Variants in AFF2 observed in about 807,000 individuals in gnomAD.
The protein encoded by AFF2 is ALF transcription elongation factor 2, also known as AF4/FMR2 family member 2.
AFF2 carries 14 observed loss-of-function variants against 76.9 expected under a neutral mutation model. The ratio of observed to expected loss-of-function variants is 0.18; its 90% CI spans 0.12 to 0.28. The LOEUF (loss-of-function observed/expected upper bound fraction) is 0.28. AFF2 is among the 10% of genes least tolerant of loss of function. The probability of loss-of-function intolerance (pLI) is 1.00; values close to 1 mark genes in which losing one functional copy is unlikely to be tolerated. For missense variants in AFF2, 868 were observed against 1,001.1 expected (o/e 0.87, Z 1.79); for synonymous variants, 398 against 366.7 (o/e 1.09, Z -0.98).
intron 3 of AFF2, among the ~76,000 whole-genome samples, chrX:148,678,476 T>C (rs2054509436): frequency 1.8e-5 from 2 of 112,041 alleles, no homozygotes; most frequent in Admixed American, 1.9e-4. Flanking sequence ...AAATTACAGA[T>C]TCTTGATTCT....
chrX:148,522,491 G>A (rs921687968), intron 1 of AFF2, among the ~76,000 whole-genome samples: 5 of 112,488 alleles, frequency 4.4e-5, no homozygotes, highest in Admixed American at 2.8e-4. Flanking sequence ...AAGGCTTTGC[G>A]GGAAAACTTC....
intron 11 of AFF2, 35 bp from the exon 12 acceptor site, chrX:148,958,302 A>G (rs1557287586): frequency 5.8e-6 from 7 of 1,208,136 alleles, no homozygotes; most frequent in Non-Finnish European, 7.8e-6. Context: ...GGTGCCATGC[A>G]TTTCAAGCTC....
In AFF2 at chrX:148,987,474, C is replaced by T; in HGVS notation, c.3731C>T (p.Ala1244Val). ...TIPQRIHHMA[A>V]SHVNITSNVL... Reference sequence around the variant, plus strand: ...CCCCAGCGCATTCACCACATGGCTGCCAGCCACGTCAACATCACTAGCAAT... The same window carrying T: ...CCCCAGCGCATTCACCACATGGCTGTCAGCCACGTCAACATCACTAGCAAT... Residue 1244 changes from alanine (A) to valine (V), a missense_variant, in exon 20 of 21, where the codon GCC becomes GTC. Transcript: ENST00000370460. 2 of 1,209,832 alleles carry T rather than the reference C, an allele frequency of 1.7e-6. No individual in the cohort carries two copies. Among genetic ancestry groups the T allele is most frequent in the Non-Finnish European group, 2.2e-6 (2 of 893,667 alleles).
intron 4 of AFF2, among the ~76,000 whole-genome samples, chrX:148,833,340 C>T (rs782801784): frequency 7.2e-5 from 8 of 111,596 alleles, no homozygotes; most frequent in African/African-American, 9.8e-5. Flanking sequence ...TGGCTACACA[C>T]GCCTGTAATC....
At chrX:148,691,862 T>TC (rs2054654579) in intron 3 of AFF2, among the ~76,000 whole-genome samples, 1 of 111,814 alleles carries the variant, frequency 8.9e-6, no homozygotes, top group Admixed American at 9.5e-5. Context: ...GACCTTAAAA[T>TC]CCATCTCAAC....
intron 1 of AFF2, among the ~76,000 whole-genome samples, chrX:148,571,925 T>C (rs2053233615): frequency 9.0e-6 from 1 of 111,186 alleles, no homozygotes; most frequent in African/African-American, 3.3e-5. Context: ...TTAGCAACTA[T>C]TTTGATTAAA....
chrX:148,638,269 C>T (rs2054051953), intron 1 of AFF2, among the ~76,000 whole-genome samples: 2 of 111,480 alleles, frequency 1.8e-5, no homozygotes, highest in African/African-American at 6.5e-5. Flanking sequence ...TTAATTGACT[C>T]ACAGTTTCGC....
Position 148,652,022 on chromosome X carries a change from C to A in AFF2, c.71C>A (p.Ala24Glu). ...AGTCACTATGAACAAGACCGTAGTGCACTTAAAAAAAGGGAATGGGAGCGG... is the reference window on the plus strand; with the variant it reads ...AGTCACTATGAACAAGACCGTAGTGAACTTAAAAAAAGGGAATGGGAGCGG... ...QQCHYEQDRS[A>E]LKKREWERRN... is the part of the protein sequence containing the mutation. The change falls in exon 2 of 21, where the codon GCA becomes GAA. Residue 24 changes from alanine (A) to glutamate (E), a missense_variant. By Grantham distance (107) the Ala-to-Glu change is moderately radical. Around this residue, in one of 6 missense-constraint regions of AFF2, gnomAD observed 196 missense variants for 194.8 expected, o/e 1.01. Transcript: ENST00000370460. 1 of 1,202,933 alleles carries A rather than the reference C, an allele frequency of 8.3e-7. No homozygotes were observed. Among genetic ancestry groups the A allele is most frequent in the Non-Finnish European group, 1.1e-6 (1 of 889,711 alleles).
At chrX:148,577,957 T>C (rs1380348756) in intron 1 of AFF2, among the ~76,000 whole-genome samples, 2 of 112,485 alleles carry the variant, frequency 1.8e-5, no homozygotes, top group Admixed American at 1.9e-4. Context: ...TGTTGATAAG[T>C]TGCAGCTCCT....
intron 9 of AFF2, among the ~76,000 whole-genome samples, chrX:148,930,373 G>A (rs1382906087): frequency 1.8e-5 from 2 of 111,849 alleles, no homozygotes; most frequent in African/African-American, 6.5e-5. Flanking sequence ...AAGCCCTGGT[G>A]GGGGCTGAAG....
At chrX:148,715,275 G>A (rs924943596) in intron 3 of AFF2, among the ~76,000 whole-genome samples, 10 of 111,756 alleles carry the variant, frequency 8.9e-5, no homozygotes, top group Admixed American at 4.7e-4. Flanking sequence ...CAAGCAATTA[G>A]TAAGCATGTT....
At chrX:148,533,930 A>G (rs2052757078) in intron 1 of AFF2, among the ~76,000 whole-genome samples, 1 of 111,831 alleles carries the variant, frequency 8.9e-6, no homozygotes, top group Non-Finnish European at 1.9e-5. Context: ...AAATCTCTTA[A>G]TGGACTGTAT....
At position 148,925,095 on chromosome X, in the gene AFF2, G is replaced by C. The variant is rs146025486; in HGVS notation, c.1397+20837G>C. 3.9e-3 allele frequency among the ~76,000 whole-genome samples: 441 copies of C among 112,326 alleles called. 1 individual carries two copies. The highest frequency in any genetic ancestry group is 0.013 in the African/African-American group (405 of 31,005). On this transcript the variant is annotated intron_variant, in intron 9 of 20. Transcript: ENST00000370460. Reference sequence around the variant, plus strand: ...ACGTCCCTTCCTGAATCAAAAGAAGGGGGGAAATGCATGAGCACTGTGGCT... The same window carrying C: ...ACGTCCCTTCCTGAATCAAAAGAAGCGGGGAAATGCATGAGCACTGTGGCT...
intron 9 of AFF2, among the ~76,000 whole-genome samples, chrX:148,907,521 C>CG (rs34482415): frequency 9.0e-6 from 1 of 110,929 alleles, no homozygotes; most frequent in Non-Finnish European, 1.9e-5. Flanking sequence ...GCTGGGTGTC[C>CG]GGGGGGGACA....
intron 1 of AFF2, among the ~76,000 whole-genome samples, chrX:148,577,818 C>G (rs2053308310): frequency 9.0e-6 from 1 of 111,541 alleles, no homozygotes; most frequent in Non-Finnish European, 1.9e-5. Flanking sequence ...TTTTTTCCCC[C>G]AAATGCCTTT....
chrX:148,987,109 C>T (rs782059649), intron 19 of AFF2, among the ~76,000 whole-genome samples: 10 of 110,793 alleles, frequency 9.0e-5, no homozygotes, highest in African/African-American at 3.3e-4. Flanking sequence ...ATCTCTGTAT[C>T]CACTAGAGCC....
chrX:148,848,152 G>T (rs1400997062), intron 7 of AFF2, among the ~76,000 whole-genome samples: 1 of 110,418 alleles, frequency 9.1e-6, no homozygotes, highest in Non-Finnish European at 1.9e-5. Context: ...TTTGTACCTG[G>T]ACACAACATT....
intron 3 of AFF2, among the ~76,000 whole-genome samples, chrX:148,698,022 C>T (rs1427289084): frequency 8.9e-6 from 1 of 112,199 alleles, no homozygotes; most frequent in Non-Finnish European, 1.9e-5. Context: ...AGTGCAAATG[C>T]TGAATGTATT....
rs1427188477 is a variant in AFF2 at position 148,764,711 on chromosome X, A to G, written c.1042-45165A>G. ...TACAGAGTTTAATTGTTCACTTGGCATGTATGAAAAGAGTGTGTATGACAG... is the reference window on the plus strand; with the variant it reads ...TACAGAGTTTAATTGTTCACTTGGCGTGTATGAAAAGAGTGTGTATGACAG... On this transcript the variant is annotated intron_variant, in intron 3 of 20. Transcript: ENST00000370460. 4.4e-5 allele frequency among the ~76,000 whole-genome samples: 5 copies of G among 112,388 alleles called. 1 individual carries two copies. The highest frequency in any genetic ancestry group is 1.6e-4 in the African/African-American group (5 of 30,940).
Sources: allele counts gnomAD v4.1 joint callset (sites outside exome capture counted in the v4.1 genomes callset), GRCh38; gene constraint gnomAD v4.1.1; regional missense constraint gnomAD v4.1.1; transcripts MANE v1.5; gene names NCBI Gene and HGNC (gene_info 2026-07-23, HGNC 2026-07-21).